The following KCNIP4 variants were observed in gnomAD, a reference collection of about 807,000 sequenced individuals.
KCNIP4 encodes the protein Kv channel-interacting protein 4.
Under a neutral mutation model 34.0 loss-of-function variants are expected in KCNIP4, and 12 were observed. The observed-to-expected ratio is 0.35, with a 90% CI of 0.23 to 0.57. KCNIP4 has a LOEUF of 0.57. KCNIP4 is among the 20% of genes least tolerant of loss of function. KCNIP4 has a pLI of 0.83. For synonymous variants in KCNIP4, 124 were observed against 102.2 expected, an observed-to-expected ratio of 1.21 and a Z score of -1.29; for missense variants, 238 against 311.7, an observed-to-expected ratio of 0.76 and a Z score of 1.78.
At chr4:21,576,739 G>C (rs1577625757) in intron 1 of KCNIP4, among the ~76,000 whole-genome samples, 1 of 151,962 alleles carries the variant, frequency 6.6e-6, no homozygotes, top group Admixed American at 6.6e-5. Context: ...TCTTAACCCT[G>C]ACCTCATAAC....
chr4:21,814,654 T>C (rs1721882981), intron 1 of KCNIP4, among the ~76,000 whole-genome samples: 1 of 152,136 alleles, frequency 6.6e-6, no homozygotes. Context: ...TCAAAGGAAC[T>C]GGCTGAGCCC....
intron 1 of KCNIP4, among the ~76,000 whole-genome samples, chr4:21,519,502 G>GCATATACACA: frequency 2.7e-5 from 3 of 110,300 alleles, no homozygotes; most frequent in African/African-American, 3.4e-5. Flanking sequence ...GTGTGTATGT[G>GCATATACACA]TATGTGTATA....
At chr4:21,562,777 T>C (rs1243282754) in intron 1 of KCNIP4, among the ~76,000 whole-genome samples, 1 of 152,046 alleles carries the variant, frequency 6.6e-6, no homozygotes, top group Non-Finnish European at 1.5e-5. Context: ...GATTTAAAAT[T>C]GAGTTATCAA....
At chr4:21,265,984 C>A (rs34135850) in intron 1 of KCNIP4, among the ~76,000 whole-genome samples, 38,167 of 152,148 alleles carry the variant, frequency 0.25, 4,990 homozygotes, top group South Asian at 0.35. Flanking sequence ...ATTGTGCTAG[C>A]AATTTACATA....
rs1431133274 is a variant in KCNIP4 at position 21,372,746 on chromosome 4, G to T, written c.62-490037C>A. On this transcript the variant is annotated intron_variant, in intron 1 of 8. Transcript: ENST00000382152. ...TCCTTTAATCCAAAATTACTACAAG[G>T]AATATGAACTAAAAAAGCCAAAAGA... 1.4e-5 allele frequency among the ~76,000 whole-genome samples: 2 copies of T among 146,056 alleles called. 1 individual carries two copies. The highest frequency in any genetic ancestry group is 5.5e-5 in the African/African-American group (2 of 36,136).
At chr4:21,947,975 G>A (rs1226050286) in intron 1 of KCNIP4, among the ~76,000 whole-genome samples, 1 of 152,206 alleles carries the variant, frequency 6.6e-6, no homozygotes, top group African/African-American at 2.4e-5. Flanking sequence ...ACCTTAACAA[G>A]GCTGTACTGT....
chr4:21,793,093 G>T (rs1720399515), intron 1 of KCNIP4, among the ~76,000 whole-genome samples: 1 of 152,128 alleles, frequency 6.6e-6, no homozygotes, highest in African/African-American at 2.4e-5. Flanking sequence ...CCCAGTTTTT[G>T]TTGTACCTTT....
chr4:21,892,153 T>C (rs1262188726), intron 1 of KCNIP4, among the ~76,000 whole-genome samples: 1 of 152,040 alleles, frequency 6.6e-6, no homozygotes, highest in Admixed American at 6.6e-5. Flanking sequence ...TTTCCACCAA[T>C]ACTAGAATAA....
chr4:21,000,157 T>A (rs1249589950), intron 1 of KCNIP4, among the ~76,000 whole-genome samples: 2 of 152,130 alleles, frequency 1.3e-5, no homozygotes, highest in African/African-American at 4.8e-5. Flanking sequence ...AGCAGAAGGA[T>A]CTGCAGCTAA....
At chr4:21,467,485 G>A (rs549680410) in intron 1 of KCNIP4, among the ~76,000 whole-genome samples, 291 of 152,250 alleles carry the variant, frequency 1.9e-3, no homozygotes, top group African/African-American at 6.5e-3. Context: ...AGCCACTTGA[G>A]GGCTACGGGG....
chr4:21,435,782 G>A (rs1041512931), intron 1 of KCNIP4, among the ~76,000 whole-genome samples: 5 of 151,944 alleles, frequency 3.3e-5, no homozygotes, highest in South Asian at 2.1e-4. Context: ...ATTCTTAACC[G>A]CAGAATGTTT....
chr4:21,513,825 G>A (rs1734536020), intron 1 of KCNIP4, among the ~76,000 whole-genome samples: 2 of 152,272 alleles, frequency 1.3e-5, no homozygotes, highest in African/African-American at 2.4e-5. Flanking sequence ...ATCCTTGGAT[G>A]AACAACGGTA....
rs1381566900 is a variant in KCNIP4, at chr4:21,512,608, CAG to C, written c.61+435961_61+435962del. 1.4e-4 allele frequency among the ~76,000 whole-genome samples: 21 copies of C among 152,230 alleles called. No homozygotes were observed. The East Asian group carries it at 4.1e-3, about 29-fold the overall frequency. The stretch of plus-strand genomic sequence containing the variant: ...GTCTGGTTCAGGGAGACTCAGGCCA[CAG>C]AGATATTCTCAACACATATACATGA... On this transcript the variant is annotated intron_variant, in intron 1 of 8. Coordinates refer to ENST00000382152, the MANE Select transcript of KCNIP4 (RefSeq NM_025221.6).
intron 1 of KCNIP4, among the ~76,000 whole-genome samples, chr4:21,442,212 G>A (rs902798289): frequency 3.3e-5 from 5 of 152,040 alleles, no homozygotes; most frequent in African/African-American, 1.2e-4. Context: ...CCTCTCCCAG[G>A]CTTGCAGAGA....
At chr4:21,620,820 C>G (rs1293394817) in intron 1 of KCNIP4, among the ~76,000 whole-genome samples, 2 of 152,114 alleles carry the variant, frequency 1.3e-5, no homozygotes, top group Non-Finnish European at 2.9e-5. Context: ...AGGTCATGTG[C>G]TCAATCATCC....
intron 1 of KCNIP4, among the ~76,000 whole-genome samples, chr4:21,583,415 A>G (rs1741385595): frequency 6.6e-6 from 1 of 151,902 alleles, no homozygotes; most frequent in African/African-American, 2.4e-5. Context: ...TAAATAAGGC[A>G]ATATATATAT....
intron 1 of KCNIP4, among the ~76,000 whole-genome samples, chr4:21,328,534 A>C (rs1418190003): frequency 6.6e-6 from 1 of 152,298 alleles, no homozygotes; most frequent in East Asian, 1.9e-4. Flanking sequence ...ACAGTACAGC[A>C]CTGGTGCCTT....
intron 1 of KCNIP4, among the ~76,000 whole-genome samples, chr4:21,574,203 A>C (rs1740568039): frequency 6.6e-6 from 1 of 152,124 alleles, no homozygotes; most frequent in Non-Finnish European, 1.5e-5. Flanking sequence ...TTAATAAAAA[A>C]ATTAATATTT....
chr4:20,811,508 TGTGTGTGCGC>T (rs1429054691), intron 3 of KCNIP4, among the ~76,000 whole-genome samples: 1 of 98,750 alleles, frequency 1.0e-5, no homozygotes, highest in Non-Finnish European at 2.2e-5. Flanking sequence ...TGTGTGTGTG[TGTGTGTGCGC>T]GCGCGCACGC....
Sources: allele counts gnomAD v4.1 joint callset (sites outside exome capture counted in the v4.1 genomes callset), GRCh38; gene constraint gnomAD v4.1.1; transcripts MANE v1.5; gene names NCBI Gene and HGNC (gene_info 2026-07-23, HGNC 2026-07-21).